CFAP144: variants seen among roughly 807,000 people sequenced by gnomAD.
CFAP144 encodes the protein cilia- and flagella-associated protein 144.
chr1:43,152,683 C>A, the CFAP144 span: 4 of 792,702 alleles, frequency 5.0e-6, no homozygotes, highest in Admixed American at 6.0e-5. Context: ...GTGGAGAGAC[C>A]AGACACCCTG....
the CFAP144 span, chr1:43,145,060 C>T: frequency 3.3e-5 from 19 of 581,282 alleles, 1 homozygote; most frequent in Non-Finnish European, 3.1e-6. Flanking sequence ...GATACTATTT[C>T]TATTTTGTCT....
the CFAP144 span, chr1:43,152,992 C>G: frequency 6.5e-7 from 1 of 1,549,940 alleles, no homozygotes; most frequent in African/African-American, 1.4e-5. Context: ...AAGTGGTGAC[C>G]GTAGAATAGA....
the CFAP144 span, chr1:43,145,279 C>T: frequency 1.5e-5 from 24 of 1,549,626 alleles, no homozygotes; most frequent in East Asian, 5.6e-4. Flanking sequence ...TGGAACACAT[C>T]TAATGTGTTC....
At chr1:43,145,247 G>A in the CFAP144 span, 3 of 1,549,786 alleles carry the variant, frequency 1.9e-6, no homozygotes, top group Non-Finnish European at 2.6e-6. Context: ...CATTGACAGA[G>A]AATGAAGAGG....
At chr1:43,147,785 G>T in the CFAP144 span, 1 of 1,467,500 alleles carries the variant, frequency 6.8e-7, no homozygotes, top group South Asian at 1.4e-5. Flanking sequence ...GCGGGGCGAT[G>T]CAGGCAGGGT....
chr1:43,152,790 A>G, the CFAP144 span: 1 of 1,558,282 alleles, frequency 6.4e-7, no homozygotes, highest in Non-Finnish European at 8.7e-7. Context: ...TCTGGTCCCA[A>G]AGCCTGACTC....
the CFAP144 span, chr1:43,152,743 G>C: frequency 2.8e-6 from 4 of 1,403,822 alleles, no homozygotes; most frequent in Middle Eastern, 2.1e-4. Flanking sequence ...TGCCTGAAAG[G>C]AACAATGTGG....
chr1:43,144,183 T>C, the CFAP144 span, among the ~76,000 whole-genome samples: 5 of 152,318 alleles, frequency 3.3e-5, no homozygotes, highest in South Asian at 1.0e-3. Context: ...CAAAATTACA[T>C]AGTATCCCAA....
the CFAP144 span, among the ~76,000 whole-genome samples, chr1:43,143,534 T>C: frequency 0.19 from 28,370 of 152,032 alleles, 3,320 homozygotes; most frequent in Middle Eastern, 0.27. Context: ...AAACCAGGAA[T>C]GGTCAGCAGA....
At chr1:43,150,340 C>A in the CFAP144 span, among the ~76,000 whole-genome samples, 1 of 152,190 alleles carries the variant, frequency 6.6e-6, no homozygotes. Context: ...CACTGCCTGG[C>A]AAACCTCTTT....
chr1:43,149,930 T>C, the CFAP144 span, among the ~76,000 whole-genome samples: 1 of 152,112 alleles, frequency 6.6e-6, no homozygotes, highest in Non-Finnish European at 1.5e-5. Context: ...CCCACTACTC[T>C]CCATCCAGCT....
At chr1:43,150,764 A>G in the CFAP144 span, 2 of 1,607,948 alleles carry the variant, frequency 1.2e-6, no homozygotes, top group Non-Finnish European at 1.7e-6. Context: ...TTTCTAGTTC[A>G]TACAGTCACC....
chr1:43,146,039 A>T, the CFAP144 span, among the ~76,000 whole-genome samples: 1 of 152,158 alleles, frequency 6.6e-6, no homozygotes, highest in Non-Finnish European at 1.5e-5. Flanking sequence ...GGAAAGAAAA[A>T]ATTAAGCTGG....
chr1:43,154,605 A>C, the CFAP144 span, among the ~76,000 whole-genome samples: 3 of 152,092 alleles, frequency 2.0e-5, no homozygotes, highest in Non-Finnish European at 4.4e-5. Context: ...GAATATAAAT[A>C]TGAATAATGG....
the CFAP144 span, among the ~76,000 whole-genome samples, chr1:43,143,847 C>G: frequency 6.7e-6 from 1 of 149,950 alleles, no homozygotes; most frequent in Non-Finnish European, 1.5e-5. Flanking sequence ...CTGGTCTGCG[C>G]TTTGCGCCAT....
the CFAP144 span, among the ~76,000 whole-genome samples, chr1:43,151,137 A>T: frequency 6.6e-6 from 1 of 152,212 alleles, no homozygotes; most frequent in African/African-American, 2.4e-5. Flanking sequence ...TAGATGTTAT[A>T]AGCACAAGTT....
chr1:43,146,283 A>ATG, the CFAP144 span, among the ~76,000 whole-genome samples: 1 of 152,208 alleles, frequency 6.6e-6, no homozygotes, highest in Admixed American at 6.5e-5. Flanking sequence ...ATCATTGACA[A>ATG]ATTGGATATA....
the CFAP144 span, among the ~76,000 whole-genome samples, chr1:43,149,991 G>T: frequency 2.5e-4 from 38 of 152,032 alleles, no homozygotes; most frequent in Middle Eastern, 3.4e-3. Context: ...AACTCCCCAG[G>T]CTCACGCTCA....
At chr1:43,147,134 C>A in the CFAP144 span, among the ~76,000 whole-genome samples, 114 of 152,324 alleles carry the variant, frequency 7.5e-4, 2 homozygotes, top group Non-Finnish European at 1.4e-3. Flanking sequence ...CGTGAGCCAC[C>A]GTGCTCGGCG....
Sources: allele counts gnomAD v4.1 joint callset (sites outside exome capture counted in the v4.1 genomes callset), GRCh38; gene constraint gnomAD v4.1.1; transcripts MANE v1.5; gene names NCBI Gene and HGNC (gene_info 2026-07-23, HGNC 2026-07-21).